SNX16: variants seen among roughly 807,000 people sequenced by gnomAD.
The protein encoded by SNX16 is sorting nexin-16.
In SNX16, 35 loss-of-function variants were observed where a neutral mutation model predicts 36.7. That is an observed-to-expected ratio of 0.95 (90% CI 0.73 to 1.27). The LOEUF is 1.27. SNX16 is among the 50% of genes most tolerant of loss of function. The pLI is 0.00. For missense variants in SNX16, 367 were observed against 393.6 expected, an observed-to-expected ratio of 0.93 and a Z score of 0.57; for synonymous variants, 134 against 132.0, an observed-to-expected ratio of 1.02 and a Z score of -0.10.
chr8:81,810,819 T>C (rs1810205032), intron 5 of SNX16, among the ~76,000 whole-genome samples: 1 of 152,134 alleles, frequency 6.6e-6, no homozygotes, highest in African/African-American at 2.4e-5. Context: ...AATGCACACG[T>C]CAGGCTGTGC....
intron 3 of SNX16, among the ~76,000 whole-genome samples, chr8:81,825,555 A>G (rs771228576): frequency 3.9e-5 from 6 of 152,222 alleles, no homozygotes; most frequent in Non-Finnish European, 7.3e-5. Flanking sequence ...TTACTACACT[A>G]CAATTATTAT....
At chr8:81,802,269 G>T in intron 7 of SNX16, 111 bp downstream of exon 7, 1 of 686,860 alleles carries the variant, frequency 1.5e-6, no homozygotes, top group Non-Finnish European at 2.1e-6. Context: ...TTGCTTAGCA[G>T]ATTCGTGATA....
intron 4 of SNX16, among the ~76,000 whole-genome samples, chr8:81,817,428 T>G (rs1220349483): frequency 1.3e-5 from 2 of 152,188 alleles, no homozygotes; most frequent in Admixed American, 1.3e-4. Context: ...GTGGTTATTC[T>G]GTTTCATTCA....
Position 81,802,513 on chromosome 8 carries a change from A to C in SNX16, c.819-14T>G. On this transcript the variant is annotated splice_polypyrimidine_tract_variant and intron_variant, in intron 6 of 7. Coordinates refer to ENST00000345957, the MANE Select transcript of SNX16 (RefSeq NM_152836.3). ...AAAGACAATGTTCTAAAAGTATGTT[A>C]TAGCAACAAGTTATTTTCTATGAAC... 6.3e-7 allele frequency: 1 copy of C among 1,596,240 alleles called. No homozygotes were observed. The highest frequency in any genetic ancestry group is 1.4e-5 in the African/African-American group (1 of 73,952).
At chr8:81,829,740 C>T (rs1395854160) in intron 2 of SNX16, among the ~76,000 whole-genome samples, 5 of 152,030 alleles carry the variant, frequency 3.3e-5, no homozygotes, top group South Asian at 2.1e-4. Context: ...TGAGACAAAA[C>T]GCTTTTTCTG....
Position 81,839,883 on chromosome 8 carries a change from G to A in SNX16, c.104C>T (p.Thr35Ile), listed in dbSNP as rs1811661552. The A allele has an allele frequency of 6.2e-7, 1 of 1,613,854 alleles. No individual in the cohort carries two copies. The highest frequency in any genetic ancestry group is 1.3e-5 in the African/African-American group (1 of 74,902). Residue 35 changes from threonine (T) to isoleucine (I), a missense_variant, in exon 2 of 8, where the codon ACA becomes ATA. Physicochemically the swap from Thr to Ile is moderately conservative, Grantham distance 89. Transcript: ENST00000345957. Reference protein sequence around the residue: ...QRSSSFGSVSTSSNSSKGQLE... With the variant: ...QRSSSFGSVSISSNSSKGQLE... ...CTGGCCCTTAGAAGAATTTGAGCTT[G>A]TTGAGACACTGCCAAAAGAAGAACT...
At chr8:81,819,978 T>C (rs1030347130) in intron 4 of SNX16, among the ~76,000 whole-genome samples, 3 of 152,022 alleles carry the variant, frequency 2.0e-5, no homozygotes, top group Non-Finnish European at 4.4e-5. Flanking sequence ...GTGCTAAGGA[T>C]ACAAAAAGTG....
rs753545957 is a variant in SNX16 at position 81,815,383 on chromosome 8, C to T, written c.623G>A (p.Arg208Lys). Residue 208 changes from arginine (R) to lysine (K), a missense_variant, in exon 5 of 8, where the codon AGA becomes AAA. By Grantham distance (26) the Arg-to-Lys change is conservative. Transcript: ENST00000345957. ...HKDIANCLAV[R>K]EFLCLDDPPG... The stretch of plus-strand genomic sequence containing the variant: ...TGGATCATCCAAACAAAGAAATTCT[C>T]TCACTGCAAGGCTTTTCAAAGGAAA... 1.2e-6 allele frequency: 2 copies of T among 1,611,944 alleles called. No individual in the cohort carries two copies. The highest frequency in any genetic ancestry group is 1.1e-5 in the South Asian group (1 of 90,960).
intron 2 of SNX16, among the ~76,000 whole-genome samples, chr8:81,833,755 T>G (rs1237878675): frequency 6.6e-6 from 1 of 152,224 alleles, no homozygotes; most frequent in African/African-American, 2.4e-5. Flanking sequence ...AATACGACTT[T>G]TGTGTTCTAT....
chr8:81,827,026 T>C (rs1028755825), intron 3 of SNX16, among the ~76,000 whole-genome samples: 5 of 152,182 alleles, frequency 3.3e-5, no homozygotes, highest in Non-Finnish European at 7.4e-5. Flanking sequence ...GTGTGTTTCT[T>C]AGTGTTTGAC....
At chr8:81,817,405 G>A (rs893800125) in intron 4 of SNX16, among the ~76,000 whole-genome samples, 4 of 152,148 alleles carry the variant, frequency 2.6e-5, no homozygotes, top group African/African-American at 7.2e-5. Context: ...CCAGCTGGAG[G>A]AATCATTTTG....
At chr8:81,840,247 G>C (rs1811684521) in intron 1 of SNX16, 165 bp from the exon 2 acceptor site, 1 of 330,434 alleles carries the variant, frequency 3.0e-6, no homozygotes. Flanking sequence ...TTGCAAGATA[G>C]AGAGAGCAAA....
chr8:81,800,001 C>G lies in SNX16; in HGVS notation c.*1496G>C, dbSNP rs1435658900. The G allele has an allele frequency of 1.7e-5, 1 of 57,246 alleles. No homozygotes were observed. The highest frequency in any genetic ancestry group is 3.4e-5 in the Non-Finnish European group (1 of 29,194). 3.5% of individuals were successfully genotyped at this position (57,246 alleles called of 1,614,324 possible). A position where few individuals can be genotyped will look rare whatever the true frequency, so the allele number is the denominator to read the frequency against. On this transcript the variant is annotated 3_prime_UTR_variant, in exon 8 of 8. Transcript: ENST00000345957. ...AATGTTCTGAGAACATACCTGTGCA[C>G]TTTGACAGACTAAAAATTTTTGGTT...
intron 5 of SNX16, among the ~76,000 whole-genome samples, chr8:81,807,574 T>TTCACACTCA (rs1810024292): frequency 2.1e-5 from 3 of 145,084 alleles, no homozygotes; most frequent in Non-Finnish European, 4.5e-5. Flanking sequence ...AACAGACCCG[T>TTCACACTCA]TCACACTCAA....
intron 2 of SNX16, among the ~76,000 whole-genome samples, chr8:81,835,114 T>C (rs1014869378): frequency 6.6e-6 from 1 of 152,224 alleles, no homozygotes; most frequent in African/African-American, 2.4e-5. Flanking sequence ...ACTCACAGGC[T>C]CAACACTATG....
chr8:81,818,635 AACTTTT>A (rs1585996510), intron 4 of SNX16, among the ~76,000 whole-genome samples: 1 of 152,272 alleles, frequency 6.6e-6, no homozygotes, highest in East Asian at 1.9e-4. Context: ...AATGACAAGT[AACTTTT>A]TAAAATCTGA....
rs75686452 is a variant in SNX16 at position 81,826,894 on chromosome 8, C to T, written c.462+2536G>A. Among the ~76,000 whole-genome samples, 745 of 152,180 alleles carry T rather than the reference C, an allele frequency of 4.9e-3. 27 individuals carry two copies. The highest frequency in any genetic ancestry group is 0.038 in the Admixed American group (587 of 15,282). On this transcript the variant is annotated intron_variant, in intron 3 of 7. Coordinates refer to ENST00000345957, the MANE Select transcript of SNX16 (RefSeq NM_152836.3). ...TTCTACATAAGAGTAACTCCAAATT[C>T]CTAGCACAATGCTGAACTCTATCTA... is the stretch of plus-strand genomic sequence containing the variant.
intron 5 of SNX16, among the ~76,000 whole-genome samples, chr8:81,812,152 G>C (rs1218425219): frequency 2.1e-4 from 32 of 151,920 alleles, no homozygotes; most frequent in Admixed American, 2.1e-3. Flanking sequence ...GAAGAAAAAT[G>C]AACAGCACTT....
chr8:81,802,177 CAA>C (rs1809730504), intron 7 of SNX16, among the ~76,000 whole-genome samples: 1 of 151,604 alleles, frequency 6.6e-6, no homozygotes, highest in Non-Finnish European at 1.5e-5. Context: ...ATCCTGATGT[CAA>C]AGACACTTTT....
Sources: gnomAD v4.1 joint callset for allele counts (sites outside exome capture counted in the v4.1 genomes callset) on GRCh38, gnomAD v4.1.1 for gene constraint, MANE v1.5 for transcripts, NCBI Gene and HGNC (gene_info 2026-07-23, HGNC 2026-07-21) for gene names.